The following SLX4IP variants were observed in gnomAD, a reference collection of about 807,000 sequenced individuals.
The protein encoded by SLX4IP is SLX4 interacting protein.
A neutral mutation model predicts 32.9 loss-of-function variants in SLX4IP; 34 were observed. The observed-to-expected ratio is 1.03, with a 90% CI of 0.79 to 1.38. The LOEUF is 1.38. Among genes scored for constraint, SLX4IP ranks in the 40% most tolerant of loss-of-function variants. SLX4IP has a pLI of 0.00. For synonymous variants in SLX4IP, 172 were observed against 171.7 expected, an observed-to-expected ratio of 1.00 and a Z score of -0.01; for missense variants, 444 against 479.0, an observed-to-expected ratio of 0.93 and a Z score of 0.68.
At chr20:10,437,872 G>A (rs561842683) in intron 1 of SLX4IP, among the ~76,000 whole-genome samples, 1 of 152,238 alleles carries the variant, frequency 6.6e-6, no homozygotes, top group Admixed American at 6.5e-5. Context: ...AGACTCCCTG[G>A]GTTCAAATTC....
intron 2 of SLX4IP, among the ~76,000 whole-genome samples, chr20:10,526,231 G>T (rs1362061058): frequency 2.6e-5 from 4 of 152,114 alleles, no homozygotes; most frequent in African/African-American, 9.7e-5. Flanking sequence ...GATGTCTATT[G>T]AGGTGATAAA....
chr20:10,615,866 G>C (rs2067020761), intron 6 of SLX4IP, among the ~76,000 whole-genome samples: 1 of 152,086 alleles, frequency 6.6e-6, no homozygotes, highest in South Asian at 2.1e-4. Context: ...AAGGACAATA[G>C]GTCCAACTCC....
intron 6 of SLX4IP, among the ~76,000 whole-genome samples, chr20:10,612,237 C>A (rs1041540967): frequency 1.3e-5 from 2 of 152,192 alleles, no homozygotes; most frequent in African/African-American, 4.8e-5. Context: ...GCTTCCTACA[C>A]CTCACTGCAT....
At position 10,514,082 on chromosome 20, in the gene SLX4IP, C is replaced by T. The variant is rs528367641; in HGVS notation, c.28-42149C>T. The stretch of plus-strand genomic sequence containing the variant: ...TTTTCCAAAGCAGTGACCCTAACCA[C>T]AATGAGGACAGTCATTTGGAGCTTT... On this transcript the variant is annotated intron_variant, in intron 2 of 7. Coordinates refer to ENST00000334534, the MANE Select transcript of SLX4IP (RefSeq NM_001009608.3). 7.9e-5 allele frequency among the ~76,000 whole-genome samples: 12 copies of T among 152,276 alleles called. No individual in the cohort carries two copies. In the South Asian group the frequency reaches 2.5e-3, roughly 32 times the overall value.
At chr20:10,590,911 T>C (rs558623840) in intron 4 of SLX4IP, among the ~76,000 whole-genome samples, 2 of 152,324 alleles carry the variant, frequency 1.3e-5, no homozygotes, top group South Asian at 2.1e-4. Context: ...AATATAAAGC[T>C]ACGTTGGCTC....
intron 2 of SLX4IP, among the ~76,000 whole-genome samples, chr20:10,555,366 A>G (rs1474737459): frequency 6.7e-6 from 1 of 148,962 alleles, no homozygotes; most frequent in Non-Finnish European, 1.5e-5. Flanking sequence ...TACTTCACTC[A>G]TATGTGAGGA....
chr20:10,553,609 A>AAC (rs2066239010), intron 2 of SLX4IP, among the ~76,000 whole-genome samples: 1 of 152,222 alleles, frequency 6.6e-6, no homozygotes. Context: ...GAAGGACTTT[A>AAC]ACAGTATACT....
chr20:10,556,849 G>A (rs780999014), intron 3 of SLX4IP, among the ~76,000 whole-genome samples: 1 of 152,216 alleles, frequency 6.6e-6, no homozygotes, highest in African/African-American at 2.4e-5. Flanking sequence ...GTAGCCGGGG[G>A]CTTAGCAGAG....
At chr20:10,544,506 C>T (rs1215911163) in intron 2 of SLX4IP, among the ~76,000 whole-genome samples, 1 of 152,212 alleles carries the variant, frequency 6.6e-6, no homozygotes, top group Non-Finnish European at 1.5e-5. Context: ...CCACCTCAGC[C>T]TCCTGAGTAG....
At chr20:10,564,094 A>C (rs1040578118) in intron 4 of SLX4IP, among the ~76,000 whole-genome samples, 1 of 152,154 alleles carries the variant, frequency 6.6e-6, no homozygotes, top group African/African-American at 2.4e-5. Context: ...TAGGCTGTGT[A>C]GATCTAGACA....
Position 10,446,680 on chromosome 20 carries a change from T to C in SLX4IP, c.-30+11227T>C, listed in dbSNP as rs73896555. ...TCTTTCTGGTAGATATGTAGTGATA[T>C]CTCATTGTGGTTTTATTTTACATTT... On this transcript the variant is annotated intron_variant, in intron 1 of 7. Coordinates refer to ENST00000334534, the MANE Select transcript of SLX4IP (RefSeq NM_001009608.3). 4.6e-3 allele frequency among the ~76,000 whole-genome samples: 697 copies of C among 152,296 alleles called. 7 individuals carry two copies. Among genetic ancestry groups the C allele is most frequent in the African/African-American group, 0.016 (654 of 41,564 alleles).
chr20:10,522,612 AGCCAAGT>A (rs1389848314), intron 2 of SLX4IP, among the ~76,000 whole-genome samples: 5 of 152,172 alleles, frequency 3.3e-5, no homozygotes, highest in Non-Finnish European at 7.4e-5. Flanking sequence ...TTGCATTCTT[AGCCAAGT>A]GCCTTACCCT....
intron 2 of SLX4IP, among the ~76,000 whole-genome samples, chr20:10,486,546 G>A (rs1392649456): frequency 6.6e-6 from 1 of 152,130 alleles, no homozygotes; most frequent in Non-Finnish European, 1.5e-5. Flanking sequence ...GGAGAAATGA[G>A]GTTTAGGGGG....
At chr20:10,515,299 G>A (rs966305286) in intron 2 of SLX4IP, among the ~76,000 whole-genome samples, 2 of 151,980 alleles carry the variant, frequency 1.3e-5, no homozygotes, top group African/African-American at 4.8e-5. Context: ...TGGCCAGGCT[G>A]TTCTCGAACT....
intron 1 of SLX4IP, among the ~76,000 whole-genome samples, chr20:10,440,871 C>G (rs1188107898): frequency 1.3e-5 from 2 of 152,100 alleles, no homozygotes; most frequent in Non-Finnish European, 2.9e-5. Context: ...TGGAATGATT[C>G]CGTTTAAGAC....
At chr20:10,581,138 G>A (rs1175731153) in intron 4 of SLX4IP, among the ~76,000 whole-genome samples, 4 of 152,072 alleles carry the variant, frequency 2.6e-5, no homozygotes, top group Admixed American at 2.6e-4. Context: ...TTTGAATGAT[G>A]CAAACAAGCA....
At position 10,483,656 on chromosome 20, in the gene SLX4IP, T is replaced by TAGC. The variant is rs1173759166; in HGVS notation, c.27+25427_27+25429dup. Among the ~76,000 whole-genome samples, 12 of 152,078 alleles carry TAGC rather than the reference T, an allele frequency of 7.9e-5. No individual in the cohort carries two copies. The East Asian group carries it at 2.1e-3, about 27-fold the overall frequency. ...AAAATCCTGACTATAAAAAAACTAGTAGCAAAAAGGAAACCATTTTAAGAT... is the reference window on the plus strand; with the variant it reads ...AAAATCCTGACTATAAAAAAACTAGTAGCAGCAAAAAGGAAACCATTTTAAGAT... On this transcript the variant is annotated intron_variant, in intron 2 of 7. Coordinates refer to ENST00000334534, the MANE Select transcript of SLX4IP (RefSeq NM_001009608.3).
chr20:10,481,868 G>C (rs1383433417), intron 2 of SLX4IP, among the ~76,000 whole-genome samples: 2 of 152,084 alleles, frequency 1.3e-5, no homozygotes, highest in Non-Finnish European at 2.9e-5. Context: ...TTCACTCTTG[G>C]GTGCTCCCCA....
intron 2 of SLX4IP, among the ~76,000 whole-genome samples, chr20:10,474,923 A>G (rs185237805): frequency 1.3e-4 from 20 of 152,324 alleles, no homozygotes; most frequent in African/African-American, 4.3e-4. Context: ...GGTTCAGGCC[A>G]TGGGTGGTGA....
Sources: allele counts gnomAD v4.1 joint callset (sites outside exome capture counted in the v4.1 genomes callset), GRCh38; gene constraint gnomAD v4.1.1; transcripts MANE v1.5; gene names NCBI Gene and HGNC (gene_info 2026-07-23, HGNC 2026-07-21).